CFAP54: variants seen among roughly 807,000 people sequenced by gnomAD.
CFAP54 encodes the protein cilia- and flagella-associated protein 54.
A neutral mutation model predicts 370.4 loss-of-function variants in CFAP54; 290 were observed. That is an observed-to-expected ratio of 0.78 (90% CI 0.71 to 0.86). The LOEUF is 0.86. Ranked by LOEUF, CFAP54 falls within the 40% of genes least tolerant of loss-of-function variation. CFAP54 has a pLI of 0.00. For missense variants in CFAP54, 3,399 were observed against 3,528.7 expected (o/e 0.96, Z 0.93); for synonymous variants, 1,206 against 1,236.5 (o/e 0.98, Z 0.52).
Position 96,625,753 on chromosome 12 carries a change from A to T in CFAP54, c.3922A>T (p.Ile1308Leu). The change falls in exon 29 of 68, where the codon ATA becomes TTA. Residue 1308 changes from isoleucine to leucine, a missense_variant. This residue lies in a region of CFAP54 where 2,796 missense variants were observed against 2,869.7 expected (regional missense o/e 0.97). Coordinates refer to ENST00000524981, the MANE Select transcript of CFAP54 (RefSeq NM_001306084.2). ...TGAACTCTCAGGAGGAGAGGACCCT[A>T]TATTTCTTTATCCTGTAGTTTTGAA... ...TSELSGGEDP[I>L]FLYPVVLNWS... is the part of the protein sequence containing the mutation. The T allele has an allele frequency of 6.5e-7, 1 of 1,535,756 alleles. No individual in the cohort carries two copies. Among genetic ancestry groups the T allele is most frequent in the Non-Finnish European group, 8.7e-7 (1 of 1,146,688 alleles).
chr12:96,539,064 G>GTTTTTTTTTTTTTTTTTTT (rs1314197505), intron 13 of CFAP54, among the ~76,000 whole-genome samples: 4 of 111,832 alleles, frequency 3.6e-5, no homozygotes, highest in African/African-American at 7.1e-5. Context: ...GCCTTTTCAG[G>GTTTTTTTTTTTTTTTTTTT]TTTTTTTTTT....
At position 96,768,481 on chromosome 12, in the gene CFAP54, G is replaced by A. The variant is rs1037916184; in HGVS notation, c.8281+3263G>A. 2.6e-5 allele frequency among the ~76,000 whole-genome samples: 4 copies of A among 151,570 alleles called. No homozygotes were observed. The East Asian group carries it at 5.8e-4, about 22-fold the overall frequency. On this transcript the variant is annotated intron_variant, in intron 60 of 67. Coordinates refer to ENST00000524981, the MANE Select transcript of CFAP54 (RefSeq NM_001306084.2). Reference sequence around the variant, plus strand: ...CAGCCTGGCCAACATGGCAAAACCCGATCTCTACTAAAAATACAAAAATTA... The same window carrying A: ...CAGCCTGGCCAACATGGCAAAACCCAATCTCTACTAAAAATACAAAAATTA...
intron 36 of CFAP54, among the ~76,000 whole-genome samples, chr12:96,653,224 A>G (rs1158292684): frequency 6.6e-6 from 1 of 152,220 alleles, no homozygotes; most frequent in African/African-American, 2.4e-5. Flanking sequence ...GTGAATTATC[A>G]AATTGAAGGG....
At position 96,791,621 on chromosome 12, in the gene CFAP54, T is replaced by A. The variant is rs576898244; in HGVS notation, c.8680-708T>A. Among the ~76,000 whole-genome samples the A allele has an allele frequency of 5.9e-5, 9 of 152,244 alleles. No homozygotes were observed. The South Asian group carries it at 1.9e-3, about 32-fold the overall frequency. Reference sequence around the variant, plus strand: ...AGCAAAATATGTCTTATTTTCCATATGGCATTGCAAAAAAATACTATTGGA... The same window carrying A: ...AGCAAAATATGTCTTATTTTCCATAAGGCATTGCAAAAAAATACTATTGGA... On this transcript the variant is annotated intron_variant, in intron 62 of 67. Transcript: ENST00000524981.
At chr12:96,642,835 A>G (rs1021043788) in intron 32 of CFAP54, among the ~76,000 whole-genome samples, 4 of 152,162 alleles carry the variant, frequency 2.6e-5, no homozygotes, top group Non-Finnish European at 5.9e-5. Context: ...GACACAAATC[A>G]GGTTATTGGA....
chr12:96,619,207 G>T (rs1956458290), intron 26 of CFAP54, among the ~76,000 whole-genome samples: 1 of 152,120 alleles, frequency 6.6e-6, no homozygotes, highest in Non-Finnish European at 1.5e-5. Flanking sequence ...ATATATTAAT[G>T]TCACGATTTT....
chr12:96,810,140 A>C (rs1047575338), intron 63 of CFAP54, among the ~76,000 whole-genome samples: 1 of 149,898 alleles, frequency 6.7e-6, no homozygotes, highest in Non-Finnish European at 1.5e-5. Context: ...AGTGCCACCT[A>C]CTCCTGCCTT....
intron 22 of CFAP54, among the ~76,000 whole-genome samples, chr12:96,586,537 C>G (rs1956077516): frequency 1.3e-5 from 2 of 152,030 alleles, no homozygotes; most frequent in Non-Finnish European, 1.5e-5. Context: ...GGGAATGGCT[C>G]TCTGGGGGAA....
intron 63 of CFAP54, among the ~76,000 whole-genome samples, chr12:96,802,223 G>C (rs1197284578): frequency 6.6e-6 from 1 of 152,082 alleles, no homozygotes; most frequent in African/African-American, 2.4e-5. Context: ...GTGAGATCGA[G>C]ACTCAAGCAG....
chr12:96,784,414 C>T (rs1180047619), intron 60 of CFAP54, among the ~76,000 whole-genome samples: 1 of 151,864 alleles, frequency 6.6e-6, no homozygotes, highest in African/African-American at 2.4e-5. Context: ...ATTCTTTGTC[C>T]ACTTTTTCTA....
At chr12:96,489,986 C>T in intron 1 of CFAP54, 60 bp downstream of exon 1, 1 of 1,428,094 alleles carries the variant, frequency 7.0e-7, no homozygotes, top group Non-Finnish European at 9.3e-7. Flanking sequence ...CTGGAAAGGG[C>T]TGGAGGATGC....
At chr12:96,538,544 G>A (rs559627240) in intron 13 of CFAP54, 26 bp downstream of exon 13, 241 of 1,529,050 alleles carry the variant, frequency 1.6e-4, no homozygotes, top group African/African-American at 2.3e-4. Flanking sequence ...TCCCTTTCAC[G>A]TGTTTTTTTT....
chr12:96,798,354 T>G lies in CFAP54; in HGVS notation c.8850+5855T>G, dbSNP rs117618037. ...CCTGTACATGTCATTATTTTACATT[T>G]ATTTGTAAAATAAATTTTCATGGGG... On this transcript the variant is annotated intron_variant, in intron 63 of 67. Transcript: ENST00000524981. 6.7e-3 allele frequency among the ~76,000 whole-genome samples: 1,020 copies of G among 152,256 alleles called. 4 individuals carry two copies. Among genetic ancestry groups the G allele is most frequent in the Non-Finnish European group, 0.01 (697 of 67,972 alleles).
chr12:96,702,231 T>TG (rs1957500153), intron 46 of CFAP54, among the ~76,000 whole-genome samples: 2 of 14,694 alleles, frequency 1.4e-4, no homozygotes, highest in Admixed American at 1.7e-3. Flanking sequence ...AGGAGCATGT[T>TG]AAGTATGAGA....
chr12:96,646,429 A>T (rs1428742546), intron 33 of CFAP54: 2 of 152,248 alleles, frequency 1.3e-5, no homozygotes, highest in African/African-American at 4.8e-5. Flanking sequence ...AATGGCGATC[A>T]TTAAAAAGTC....
intron 48 of CFAP54, among the ~76,000 whole-genome samples, chr12:96,713,691 A>G (rs910300560): frequency 2.6e-5 from 4 of 152,234 alleles, no homozygotes; most frequent in Admixed American, 2.6e-4. Context: ...TAGGGAGTGC[A>G]GGAGTGGGGT....
At chr12:96,772,187 T>A (rs977729429) in intron 60 of CFAP54, among the ~76,000 whole-genome samples, 1 of 152,070 alleles carries the variant, frequency 6.6e-6, no homozygotes, top group Admixed American at 6.6e-5. Flanking sequence ...AGTTCTCAGT[T>A]CCCCCCAGAA....
intron 22 of CFAP54, among the ~76,000 whole-genome samples, chr12:96,583,703 G>C (rs1263335024): frequency 6.6e-6 from 1 of 152,144 alleles, no homozygotes; most frequent in Admixed American, 6.5e-5. Flanking sequence ...TGTACCCAAG[G>C]TTGCTCAGGT....
intron 62 of CFAP54, among the ~76,000 whole-genome samples, chr12:96,791,064 T>G (rs1384529163): frequency 6.6e-6 from 1 of 152,198 alleles, no homozygotes; most frequent in Non-Finnish European, 1.5e-5. Context: ...CCTCAAACCT[T>G]GACAGGCCTT....
Sources: allele counts gnomAD v4.1 joint callset (sites outside exome capture counted in the v4.1 genomes callset), GRCh38; gene constraint gnomAD v4.1.1; regional missense constraint gnomAD v4.1.1; transcripts MANE v1.5; gene names NCBI Gene and HGNC (gene_info 2026-07-23, HGNC 2026-07-21).